IL1R1: variants seen among roughly 807,000 people sequenced by gnomAD.
IL1R1 encodes interleukin 1 receptor type 1.
IL1R1 carries 22 observed loss-of-function variants against 50.2 expected under a neutral mutation model. The ratio of observed to expected loss-of-function variants is 0.44; its 90% CI spans 0.31 to 0.63. The LOEUF (loss-of-function observed/expected upper bound fraction) is 0.63. Ranked by LOEUF, IL1R1 falls within the 20% of genes least tolerant of loss-of-function variation. IL1R1 has a pLI of 0.07. For synonymous variants in IL1R1, 251 were observed against 236.7 expected (o/e 1.06, Z -0.55); for missense variants, 509 against 676.2 (o/e 0.75, Z 2.74).
chr2:102,099,256 C>A (rs1228376352), intron 1 of IL1R1, among the ~76,000 whole-genome samples: 1 of 152,090 alleles, frequency 6.6e-6, no homozygotes, highest in South Asian at 2.1e-4. Flanking sequence ...ATTGATTTGT[C>A]ATGAGGGCAA....
chr2:102,108,902 T>C (rs1266226370), intron 1 of IL1R1, among the ~76,000 whole-genome samples: 2 of 150,880 alleles, frequency 1.3e-5, no homozygotes, highest in Non-Finnish European at 2.9e-5. Context: ...GCTGCAAAAA[T>C]CAGGACCAAA....
intron 1 of IL1R1, among the ~76,000 whole-genome samples, chr2:102,113,532 G>T (rs572949489): frequency 6.6e-6 from 1 of 152,300 alleles, no homozygotes; most frequent in South Asian, 2.1e-4. Context: ...TATTGATGTG[G>T]CTTCCCTCAT....
At chr2:102,096,038 A>G (rs963694522) in intron 1 of IL1R1, among the ~76,000 whole-genome samples, 2 of 152,082 alleles carry the variant, frequency 1.3e-5, no homozygotes, top group Admixed American at 6.5e-5. Flanking sequence ...ATAATGCACT[A>G]TTCTTCCTTT....
rs150465365 is a variant in IL1R1 at position 102,081,182 on chromosome 2, T to C, written c.-84+10649T>C. On this transcript the variant is annotated intron_variant, in intron 1 of 11. Coordinates refer to the IL1R1 transcript ENST00000409929. Reference sequence around the variant, plus strand: ...GAATATACTGAAACCCTTTGAATTGTACACTTTTAAAAGGGTAATTTTATG... The same window carrying C: ...GAATATACTGAAACCCTTTGAATTGCACACTTTTAAAAGGGTAATTTTATG... Among the ~76,000 whole-genome samples the C allele has an allele frequency of 7.6e-3, 1,157 of 152,284 alleles. 12 individuals are homozygous for C. Among genetic ancestry groups the C allele is most frequent in the African/African-American group, 0.026 (1,086 of 41,544 alleles).
At chr2:102,087,791 G>A (rs11689277) in intron 1 of IL1R1, among the ~76,000 whole-genome samples, 44,708 of 145,908 alleles carry the variant, frequency 0.31, 7,073 homozygotes, top group Non-Finnish European at 0.35. Context: ...TCTTTCCTTC[G>A]TAAATTACTC....
intron 1 of IL1R1, among the ~76,000 whole-genome samples, chr2:102,111,272 G>A (rs1680745475): frequency 6.6e-6 from 1 of 152,122 alleles, no homozygotes; most frequent in Non-Finnish European, 1.5e-5. Context: ...GGGAGGCATG[G>A]TTCTATACAC....
At chr2:102,160,897 T>C (rs1203101809) in intron 3 of IL1R1, among the ~76,000 whole-genome samples, 1 of 152,216 alleles carries the variant, frequency 6.6e-6, no homozygotes, top group Non-Finnish European at 1.5e-5. Context: ...CACTAAGTAA[T>C]ACAAATCTTT....
At chr2:102,095,396 T>G (rs751724907) in intron 1 of IL1R1, among the ~76,000 whole-genome samples, 9 of 152,222 alleles carry the variant, frequency 5.9e-5, no homozygotes, top group Non-Finnish European at 1.3e-4. Context: ...AAGTGTTTTC[T>G]TTTTCTTTAA....
At chr2:102,112,335 T>TGA (rs1361916792) in intron 1 of IL1R1, among the ~76,000 whole-genome samples, 1 of 142,708 alleles carries the variant, frequency 7.0e-6, no homozygotes, top group Non-Finnish European at 1.6e-5. Flanking sequence ...TGTGTGTGTG[T>TGA]GTGAGTGTGA....
intron 3 of IL1R1, among the ~76,000 whole-genome samples, chr2:102,160,361 TC>T (rs1415441745): frequency 6.6e-6 from 1 of 152,206 alleles, no homozygotes; most frequent in African/African-American, 2.4e-5. Flanking sequence ...TCATTGTTCT[TC>T]TGTTTTCTAT....
intron 1 of IL1R1, among the ~76,000 whole-genome samples, chr2:102,123,993 T>C (rs1384876940): frequency 6.6e-6 from 1 of 151,872 alleles, no homozygotes; most frequent in South Asian, 2.1e-4. Context: ...GAAAGGGGTT[T>C]ATCTTGTGAG....
chr2:102,167,477 T>C (rs2104589419), intron 6 of IL1R1, among the ~76,000 whole-genome samples: 1 of 131,904 alleles, frequency 7.6e-6, no homozygotes, highest in Admixed American at 8.8e-5. Context: ...AGATGGAGTC[T>C]CGCTCTGTCA....
intron 1 of IL1R1, among the ~76,000 whole-genome samples, chr2:102,148,802 A>G (rs771057639): frequency 7.2e-5 from 11 of 152,104 alleles, no homozygotes; most frequent in Non-Finnish European, 1.5e-4. Context: ...TCAAACTGAC[A>G]TTTTTGTTTT....
At chr2:102,113,702 G>C (rs973856430) in intron 1 of IL1R1, among the ~76,000 whole-genome samples, 15 of 152,138 alleles carry the variant, frequency 9.9e-5, no homozygotes, top group African/African-American at 3.4e-4. Context: ...CACCAATGAC[G>C]CTCGGCCTCC....
At chr2:102,083,733 C>T (rs1260368423) in intron 1 of IL1R1, among the ~76,000 whole-genome samples, 2 of 152,214 alleles carry the variant, frequency 1.3e-5, no homozygotes, top group South Asian at 4.1e-4. Context: ...ATCACGAGGT[C>T]AGGAGTTCAA....
chr2:102,131,718 C>T (rs1423073664), intron 1 of IL1R1, among the ~76,000 whole-genome samples: 1 of 151,386 alleles, frequency 6.6e-6, no homozygotes, highest in African/African-American at 2.4e-5. Flanking sequence ...GGGAAAATTT[C>T]AAGTCACCAA....
chr2:102,111,733 C>T (rs921943484), intron 1 of IL1R1, among the ~76,000 whole-genome samples: 7 of 152,162 alleles, frequency 4.6e-5, no homozygotes, highest in East Asian at 3.8e-4. Flanking sequence ...GACCAGAACA[C>T]GGGTAACTCT....
At chr2:102,117,174 G>A (rs997108763) in intron 1 of IL1R1, among the ~76,000 whole-genome samples, 3 of 152,092 alleles carry the variant, frequency 2.0e-5, no homozygotes, top group Non-Finnish European at 2.9e-5. Context: ...CTTATGGTAC[G>A]CCTGCAATCA....
upstream of IL1R1, among the ~76,000 whole-genome samples, chr2:102,103,865 G>A (rs1341279389): frequency 2.0e-5 from 3 of 151,804 alleles, no homozygotes; most frequent in Admixed American, 6.6e-5. Context: ...ATGGTGGCGG[G>A]CATCTATAAT....
Sources: gnomAD v4.1 joint callset for allele counts (sites outside exome capture counted in the v4.1 genomes callset) on GRCh38, gnomAD v4.1.1 for gene constraint, MANE v1.5 for transcripts, NCBI Gene and HGNC (gene_info 2026-07-23, HGNC 2026-07-21) for gene names.